SMURF1: variants seen among roughly 807,000 people sequenced by gnomAD.
SMURF1 encodes SMAD specific E3 ubiquitin protein ligase 1, also known as E3 ubiquitin-protein ligase SMURF1.
SMURF1 carries 44 observed loss-of-function variants against 98.0 expected under a neutral mutation model. That is an observed-to-expected ratio of 0.45 (90% CI 0.35 to 0.58). The LOEUF is 0.58. Among genes scored for constraint, SMURF1 ranks in the 20% least tolerant of loss-of-function variants. The pLI is 0.00. For missense variants in SMURF1, 687 were observed against 938.4 expected (o/e 0.73, Z 3.50); for synonymous variants, 396 against 374.9 (o/e 1.06, Z -0.65).
At chr7:99,037,246 GTT>G in intron 14 of SMURF1, 59 bp from the exon 15 acceptor site, 1 of 1,605,710 alleles carries the variant, frequency 6.2e-7, no homozygotes, top group Non-Finnish European at 8.5e-7. Flanking sequence ...CCATGGGCAG[GTT>G]TTTTTTGGAG....
At chr7:99,074,875 A>T (rs966538723) in intron 1 of SMURF1, among the ~76,000 whole-genome samples, 3 of 152,336 alleles carry the variant, frequency 2.0e-5, no homozygotes, top group Admixed American at 6.5e-5. Context: ...AAAAATTTTT[A>T]AAATTAACTT....
At chr7:99,125,929 G>A (rs1351334961) in intron 1 of SMURF1, among the ~76,000 whole-genome samples, 1 of 152,096 alleles carries the variant, frequency 6.6e-6, no homozygotes, top group African/African-American at 2.4e-5. Context: ...TCTTCTGTCC[G>A]TCTGACCTGC....
intron 1 of SMURF1, among the ~76,000 whole-genome samples, chr7:99,080,896 G>C (rs1030959504): frequency 2.0e-5 from 3 of 152,178 alleles, no homozygotes; most frequent in South Asian, 4.1e-4. Flanking sequence ...TCTAGCAAAA[G>C]TGCTGTGTGT....
At chr7:99,072,373 G>A (rs117351953) in intron 1 of SMURF1, among the ~76,000 whole-genome samples, 1,990 of 152,270 alleles carry the variant, frequency 0.013, 19 homozygotes, top group Non-Finnish European at 0.017. Flanking sequence ...ATCCAAAGGC[G>A]GCCAGGCGTG....
chr7:99,042,044 T>C, intron 12 of SMURF1, 74 bp downstream of exon 12: 1 of 1,198,898 alleles, frequency 8.3e-7, no homozygotes. Context: ...GACCAAGGAC[T>C]GAGAATGAAA....
chr7:99,075,632 G>GA (rs112881647), intron 1 of SMURF1, among the ~76,000 whole-genome samples: 10,576 of 137,276 alleles, frequency 0.077, 509 homozygotes, highest in Middle Eastern at 0.13. Context: ...TTGATGTGGG[G>GA]AAAAAAAAAA....
At chr7:99,035,783 G>A in intron 15 of SMURF1, 67 bp from the exon 16 acceptor site, 1 of 1,476,560 alleles carries the variant, frequency 6.8e-7, no homozygotes, top group Admixed American at 1.9e-5. Flanking sequence ...GCGCCTCCTA[G>A]GTACCCGACA....
chr7:99,142,657 G>T (rs1429877147), intron 1 of SMURF1, among the ~76,000 whole-genome samples: 1 of 111,616 alleles, frequency 9.0e-6, no homozygotes, highest in Non-Finnish European at 1.8e-5. Flanking sequence ...AGGGAGAAAC[G>T]AAAGAGGATG....
chr7:99,051,052 C>T (rs915660846), intron 8 of SMURF1: 2 of 1,439,296 alleles, frequency 1.4e-6, no homozygotes, highest in African/African-American at 2.8e-5. Flanking sequence ...TTTATATTTC[C>T]TTGACTTATG....
chr7:99,079,188 C>G (rs1387258520), intron 1 of SMURF1, among the ~76,000 whole-genome samples: 1 of 152,242 alleles, frequency 6.6e-6, no homozygotes, highest in Non-Finnish European at 1.5e-5. Context: ...GTGGCCACAG[C>G]AGCTGCGCCT....
chr7:99,050,259 G>T (rs1795713025), intron 8 of SMURF1: 1 of 152,530 alleles, frequency 6.6e-6, no homozygotes, highest in African/African-American at 2.4e-5. Flanking sequence ...AAGGAACAGG[G>T]GCTCCCCACG....
chr7:99,034,465 G>GATTCCTGC (rs1795046116), intron 16 of SMURF1, among the ~76,000 whole-genome samples: 1 of 152,190 alleles, frequency 6.6e-6, no homozygotes, highest in Admixed American at 6.5e-5. Context: ...AGGAAGCCTG[G>GATTCCTGC]ATTCCTGCCC....
At chr7:99,122,253 G>A (rs557741391) in intron 1 of SMURF1, among the ~76,000 whole-genome samples, 5 of 151,770 alleles carry the variant, frequency 3.3e-5, no homozygotes, top group East Asian at 3.9e-4. Context: ...GCTTGAACCC[G>A]GGAGGCAGAG....
intron 14 of SMURF1, among the ~76,000 whole-genome samples, chr7:99,037,781 C>T (rs544313679): frequency 4.6e-5 from 7 of 152,248 alleles, no homozygotes; most frequent in South Asian, 4.1e-4. Context: ...CCAGGCATGG[C>T]GGCTCACGCC....
At chr7:99,085,704 G>A (rs1796664172) in intron 1 of SMURF1, among the ~76,000 whole-genome samples, 1 of 152,138 alleles carries the variant, frequency 6.6e-6, no homozygotes, top group African/African-American at 2.4e-5. Flanking sequence ...CACCCTTATA[G>A]TATCACACGG....
At chr7:99,071,621 T>C (rs1796324832) in intron 1 of SMURF1, among the ~76,000 whole-genome samples, 1 of 152,208 alleles carries the variant, frequency 6.6e-6, no homozygotes, top group African/African-American at 2.4e-5. Flanking sequence ...GCCAAAGCTA[T>C]TGTTTTCTTT....
intron 10 of SMURF1, among the ~76,000 whole-genome samples, chr7:99,046,731 CAAAA>C (rs56788889): frequency 1.3e-5 from 1 of 74,664 alleles, no homozygotes; most frequent in Non-Finnish European, 2.5e-5. Flanking sequence ...GACTCCGTCT[CAAAA>C]AAAAAAAAAA....
chr7:99,055,070 A>G (rs574718039), intron 5 of SMURF1, among the ~76,000 whole-genome samples: 1 of 152,318 alleles, frequency 6.6e-6, no homozygotes, highest in East Asian at 1.9e-4. Context: ...TTCCTTGTAA[A>G]TGTGGTGAAG....
intron 9 of SMURF1, chr7:99,048,137 C>A (rs1795642760): frequency 7.0e-6 from 3 of 431,078 alleles, no homozygotes; most frequent in South Asian, 6.4e-5. Flanking sequence ...CCTGTAATCC[C>A]AGCACTTTGG....
Sources: gnomAD v4.1 joint callset for allele counts (sites outside exome capture counted in the v4.1 genomes callset) on GRCh38, gnomAD v4.1.1 for gene constraint, MANE v1.5 for transcripts, NCBI Gene and HGNC (gene_info 2026-07-23, HGNC 2026-07-21) for gene names.